The following SNAP23 variants were observed in gnomAD, a reference collection of about 807,000 sequenced individuals.
SNAP23 encodes the protein synaptosomal-associated protein 23.
In SNAP23, 11 loss-of-function variants were observed where a neutral mutation model predicts 29.0. The ratio of observed to expected loss-of-function variants is 0.38; its 90% CI spans 0.24 to 0.63. SNAP23 has a LOEUF of 0.63. SNAP23 is among the 20% of genes least tolerant of loss of function. The pLI is 0.58. For synonymous variants in SNAP23, 60 were observed against 82.9 expected (o/e 0.72, Z 1.50); for missense variants, 220 against 253.9 (o/e 0.87, Z 0.91).
intron 1 of SNAP23, among the ~76,000 whole-genome samples, chr15:42,498,253 C>T (rs2057240293): frequency 6.6e-6 from 1 of 152,236 alleles, no homozygotes; most frequent in Non-Finnish European, 1.5e-5. Context: ...CGTTTCCTTT[C>T]TGCAGTGCCC....
intron 1 of SNAP23, chr15:42,505,615 G>A (rs1354522259): frequency 1.3e-5 from 2 of 148,306 alleles, no homozygotes; most frequent in African/African-American, 5.0e-5. Context: ...AAGTACAGTG[G>A]CATGATCTCG....
At chr15:42,525,247 A>T (rs1454015458) in intron 5 of SNAP23, among the ~76,000 whole-genome samples, 1 of 151,434 alleles carries the variant, frequency 6.6e-6, no homozygotes, top group Admixed American at 6.6e-5. Flanking sequence ...AGGCGCCTGT[A>T]GTCCCAGCTA....
chr15:42,523,655 T>G (rs2057469192), intron 5 of SNAP23, among the ~76,000 whole-genome samples: 2 of 152,222 alleles, frequency 1.3e-5, no homozygotes, highest in South Asian at 4.1e-4. Context: ...CTGCTAAACA[T>G]TAAGTATTGT....
At chr15:42,530,768 G>C (rs960255487) in intron 7 of SNAP23, among the ~76,000 whole-genome samples, 1 of 152,160 alleles carries the variant, frequency 6.6e-6, no homozygotes, top group Non-Finnish European at 1.5e-5. Context: ...AGGAAAAAAA[G>C]AAAGTCATAC....
chr15:42,512,593 G>A (rs944329060), intron 2 of SNAP23, among the ~76,000 whole-genome samples: 3 of 151,902 alleles, frequency 2.0e-5, no homozygotes, highest in Non-Finnish European at 4.4e-5. Flanking sequence ...TGGGCAGGCT[G>A]GTCTCAAACT....
chr15:42,531,629 T>G lies in SNAP23; in HGVS notation c.*151T>G. ...CCAGAGCAGTTACAGCCCTCCTTCT[T>G]TTTTGTTTTCTGTTGAGGGCCGACT... On this transcript the variant is annotated 3_prime_UTR_variant, in exon 8 of 8. Transcript: ENST00000249647. The G allele has an allele frequency of 1.9e-6, 1 of 525,588 alleles. No individual in the cohort carries two copies. Among genetic ancestry groups the G allele is most frequent in the Non-Finnish European group, 3.3e-6 (1 of 304,150 alleles). The allele number at this position is 525,588 out of a possible 1,614,324, so 32.6% of individuals were successfully genotyped here. A position where few individuals can be genotyped will look rare whatever the true frequency, so the allele number is the denominator to read the frequency against.
intron 1 of SNAP23, among the ~76,000 whole-genome samples, chr15:42,505,860 G>C (rs1316715577): frequency 6.7e-6 from 1 of 149,326 alleles, no homozygotes; most frequent in African/African-American, 2.5e-5. Context: ...CTGGCCTCTT[G>C]CTTGCTTGTT....
intron 1 of SNAP23, among the ~76,000 whole-genome samples, chr15:42,496,928 G>C (rs2057224275): frequency 6.6e-6 from 1 of 152,060 alleles, no homozygotes. Flanking sequence ...AGTATCATGA[G>C]AACAGCATGG....
At chr15:42,518,492 G>A (rs2057416899) in intron 5 of SNAP23, among the ~76,000 whole-genome samples, 1 of 147,736 alleles carries the variant, frequency 6.8e-6, no homozygotes, top group Admixed American at 6.8e-5. Flanking sequence ...CTGGAGTGCA[G>A]TGGCAGTCAT....
chr15:42,495,289 A>G (rs1341556698), upstream of SNAP23: 2 of 152,200 alleles, frequency 1.3e-5, no homozygotes, highest in Non-Finnish European at 2.9e-5. Context: ...TGTGCTATGC[A>G]CTGTATTCTA....
chr15:42,499,643 A>G (rs770783495), intron 1 of SNAP23, among the ~76,000 whole-genome samples: 1 of 152,222 alleles, frequency 6.6e-6, no homozygotes, highest in African/African-American at 2.4e-5. Flanking sequence ...TAATAAATAC[A>G]TAACTATTAA....
chr15:42,500,900 G>A (rs183930416), intron 1 of SNAP23, among the ~76,000 whole-genome samples: 418 of 152,298 alleles, frequency 2.7e-3, no homozygotes, highest in African/African-American at 9.5e-3. Flanking sequence ...TGCTACTAAA[G>A]TATTTAAATC....
upstream of SNAP23, among the ~76,000 whole-genome samples, chr15:42,494,147 A>G (rs1262380340): frequency 1.3e-5 from 2 of 152,002 alleles, no homozygotes; most frequent in Admixed American, 6.6e-5. Flanking sequence ...AAAAATCTTG[A>G]TCCTTCATCA....
chr15:42,499,733 A>T (rs1451371945), intron 1 of SNAP23, among the ~76,000 whole-genome samples: 1 of 152,226 alleles, frequency 6.6e-6, no homozygotes, highest in Non-Finnish European at 1.5e-5. Context: ...GGGCCTAATC[A>T]GCTCATTTTT....
chr15:42,528,433 C>T lies in SNAP23; in HGVS notation c.425+13C>T, dbSNP rs2141557764. 1.9e-6 allele frequency: 3 copies of T among 1,613,688 alleles called. No homozygotes were observed. Among genetic ancestry groups the T allele is most frequent in the Non-Finnish European group, 2.5e-6 (3 of 1,179,598 alleles). ...GATACATTAAACGGTATGCCAACTC[C>T]TCCTGATATTCCTGTACCTTTCTTA... On this transcript the variant is annotated intron_variant, in intron 6 of 7. Transcript: ENST00000249647.
chr15:42,528,146 T>C, intron 5 of SNAP23, 116 bp from the exon 6 acceptor site: 1 of 764,242 alleles, frequency 1.3e-6, no homozygotes, highest in East Asian at 2.5e-5. Context: ...GACTTAGCTG[T>C]ATGCAGCTTT....
At chr15:42,514,069 C>T (rs952141843) in intron 4 of SNAP23, among the ~76,000 whole-genome samples, 3 of 151,632 alleles carry the variant, frequency 2.0e-5, no homozygotes, top group African/African-American at 4.9e-5. Context: ...CCCGCCTTGA[C>T]CTCCCAAAGT....
chr15:42,503,290 C>T (rs577739996), intron 1 of SNAP23, among the ~76,000 whole-genome samples: 2 of 152,160 alleles, frequency 1.3e-5, no homozygotes, highest in African/African-American at 2.4e-5. Flanking sequence ...CAACCTCCGC[C>T]TCCCGGGTTC....
chr15:42,528,448 T>C (rs781424615), intron 6 of SNAP23, 28 bp downstream of exon 6: 1 of 1,610,114 alleles, frequency 6.2e-7, no homozygotes, highest in Admixed American at 1.7e-5. Flanking sequence ...GATATTCCTG[T>C]ACCTTTCTTA....
Sources: gnomAD v4.1 joint callset for allele counts (sites outside exome capture counted in the v4.1 genomes callset) on GRCh38, gnomAD v4.1.1 for gene constraint, MANE v1.5 for transcripts, NCBI Gene and HGNC (gene_info 2026-07-23, HGNC 2026-07-21) for gene names.